Variants in PPP3CA observed in about 807,000 individuals in gnomAD.
PPP3CA encodes protein phosphatase 3 catalytic subunit alpha.
Under a neutral mutation model 66.5 loss-of-function variants are expected in PPP3CA, and 14 were observed. The observed-to-expected ratio is 0.21, with a 90% CI of 0.14 to 0.33. The LOEUF (loss-of-function observed/expected upper bound fraction) is 0.33, where lower values mean the gene tolerates loss of function less well. Ranked by LOEUF, PPP3CA falls within the 10% of genes least tolerant of loss-of-function variation. The pLI, the probability that PPP3CA is intolerant of heterozygous loss-of-function variation, is 1.00. For synonymous variants in PPP3CA, 232 were observed against 226.2 expected, an observed-to-expected ratio of 1.03 and a Z score of -0.23; for missense variants, 317 against 639.5, an observed-to-expected ratio of 0.50 and a Z score of 5.44.
At position 101,106,463 on chromosome 4, in the gene PPP3CA, A is replaced by AGAAAGAAAGAAG. The variant is rs1560605247; in HGVS notation, c.384+2490_384+2491insCTTCTTTCTTTC. Among the ~76,000 whole-genome samples the AGAAAGAAAGAAG allele has an allele frequency of 5.4e-3, 182 of 33,768 alleles. 23 individuals carry two copies. The highest frequency in any genetic ancestry group is 0.029 in the Middle Eastern group (2 of 70). 22.2% of individuals were successfully genotyped at this position (33,768 alleles called of 152,430 possible). ...AAAGAAAGAAAGAAAGAGAAAAGAA[A>AGAAAGAAAGAAG]AGAAAAGAAAAGAAAAGAAAAGAAA... On this transcript the variant is annotated intron_variant, in intron 3 of 13. Coordinates refer to ENST00000394854, the MANE Select transcript of PPP3CA (RefSeq NM_000944.5).
chr4:101,188,353 TA>T (rs1337401746), intron 2 of PPP3CA, among the ~76,000 whole-genome samples: 2 of 152,106 alleles, frequency 1.3e-5, no homozygotes, highest in Non-Finnish European at 2.9e-5. Flanking sequence ...AGGCTTCCCT[TA>T]TTTCTATCTA....
At chr4:101,123,992 C>T (rs1038534277) in intron 2 of PPP3CA, among the ~76,000 whole-genome samples, 1 of 152,182 alleles carries the variant, frequency 6.6e-6, no homozygotes, top group Non-Finnish European at 1.5e-5. Context: ...AAGGTAAGCT[C>T]CCTATTCCTA....
chr4:101,171,628 A>T (rs561470446), intron 2 of PPP3CA, among the ~76,000 whole-genome samples: 1 of 152,304 alleles, frequency 6.6e-6, no homozygotes, highest in African/African-American at 2.4e-5. Flanking sequence ...CCCAGTAGGC[A>T]TAAGGCTGGA....
intron 2 of PPP3CA, among the ~76,000 whole-genome samples, chr4:101,195,616 T>C (rs1382394818): frequency 6.6e-6 from 1 of 152,218 alleles, no homozygotes; most frequent in African/African-American, 2.4e-5. Context: ...GAATATCCTG[T>C]GTGCCACTTA....
intron 2 of PPP3CA, among the ~76,000 whole-genome samples, chr4:101,195,342 G>A (rs571115092): frequency 1.3e-5 from 2 of 151,808 alleles, no homozygotes; most frequent in Non-Finnish European, 2.9e-5. Context: ...TCCTTCTTCC[G>A]AAAGTTCAGT....
At chr4:101,133,047 C>T (rs1722500153) in intron 2 of PPP3CA, among the ~76,000 whole-genome samples, 1 of 101,024 alleles carries the variant, frequency 9.9e-6, no homozygotes, top group African/African-American at 6.4e-5. Flanking sequence ...TAAAATTCAA[C>T]ACTCCTTCAT....
At chr4:101,285,669 C>G (rs759059475) in intron 1 of PPP3CA, among the ~76,000 whole-genome samples, 1 of 134,736 alleles carries the variant, frequency 7.4e-6, no homozygotes, top group Non-Finnish European at 1.6e-5. Flanking sequence ...TAATACATAT[C>G]GATGTTGGCT....
chr4:101,061,951 T>C (rs1728481635), intron 9 of PPP3CA, among the ~76,000 whole-genome samples: 1 of 152,026 alleles, frequency 6.6e-6, no homozygotes, highest in African/African-American at 2.4e-5. Flanking sequence ...ATATGCTATT[T>C]AAAAAAATGT....
chr4:101,091,970 G>A (rs1030208216), intron 6 of PPP3CA, among the ~76,000 whole-genome samples: 2 of 151,550 alleles, frequency 1.3e-5, no homozygotes, highest in Non-Finnish European at 2.9e-5. Flanking sequence ...TTTCACTCTC[G>A]CAATTTTCAC....
intron 2 of PPP3CA, 37 bp from the exon 3 acceptor site, chr4:101,109,115 G>A (rs1379613121): frequency 1.3e-6 from 2 of 1,575,648 alleles, no homozygotes; most frequent in Admixed American, 1.8e-5. Context: ...GTCATATTAT[G>A]TTAGGACTTT....
intron 1 of PPP3CA, among the ~76,000 whole-genome samples, chr4:101,280,805 GC>G (rs1207219120): frequency 7.6e-6 from 1 of 132,066 alleles, no homozygotes; most frequent in Non-Finnish European, 1.5e-5. Context: ...GGGTGACAGA[GC>G]CAGACTCAGT....
intron 8 of PPP3CA, among the ~76,000 whole-genome samples, chr4:101,064,834 T>A (rs970750198): frequency 3.3e-5 from 5 of 152,058 alleles, no homozygotes; most frequent in African/African-American, 1.2e-4. Context: ...TATATCATTT[T>A]CTGTGGTGTG....
chr4:101,347,237 G>C lies in PPP3CA; in HGVS notation c.-441C>G. 4.8e-6 allele frequency: 1 copy of C among 209,876 alleles called. No homozygotes were observed. Among genetic ancestry groups the C allele is most frequent in the Non-Finnish European group, 9.5e-6 (1 of 105,588 alleles). The allele number at this position is 209,876 out of a possible 1,614,324, so 13.0% of individuals were successfully genotyped here. ...TAAGACCGATCACATGGGGAAGGCCGGGGGCGAGGGAGGAGAGGCAGGGCC... is the reference window on the plus strand; with the variant it reads ...TAAGACCGATCACATGGGGAAGGCCCGGGGCGAGGGAGGAGAGGCAGGGCC... On this transcript the variant is annotated 5_prime_UTR_variant, in exon 1 of 14. Coordinates refer to ENST00000394854, the MANE Select transcript of PPP3CA (RefSeq NM_000944.5).
intron 1 of PPP3CA, chr4:101,330,162 G>A (rs1729335382): frequency 2.7e-6 from 1 of 370,028 alleles, no homozygotes; most frequent in South Asian, 2.1e-5. Flanking sequence ...ATTAACAAGA[G>A]TTTGAAATAA....
intron 5 of PPP3CA, among the ~76,000 whole-genome samples, chr4:101,095,247 T>C (rs1730143330): frequency 6.6e-6 from 1 of 152,112 alleles, no homozygotes; most frequent in Admixed American, 6.6e-5. Flanking sequence ...CAGAACTTCT[T>C]TCTGAAAAAC....
Position 101,083,245 on chromosome 4 carries a change from T to C in PPP3CA, c.801A>G (p.Glu267=). Residue 267 remains glutamate (E), a synonymous_variant, in exon 7 of 14, where the codon GAA becomes GAG. Transcript: ENST00000394854. ...ATAACAAGTTATTGTGCTGTAAGAA[T>C]TCACATACAGCCGGGTAACTGCCAG... ...SYFYSYPAVC[E]FLQHNNLLSI... is the part of the protein sequence containing the mutation. The C allele has an allele frequency of 1.2e-6, 2 of 1,609,578 alleles. No homozygotes were observed. Among genetic ancestry groups the C allele is most frequent in the Non-Finnish European group, 1.7e-6 (2 of 1,177,462 alleles).
intron 2 of PPP3CA, among the ~76,000 whole-genome samples, chr4:101,191,745 G>A (rs1044264653): frequency 3.9e-5 from 6 of 152,252 alleles, no homozygotes; most frequent in South Asian, 2.1e-4. Context: ...CCTAATTGAC[G>A]TCAGCTGCTG....
At chr4:101,095,501 A>G (rs895430951) in intron 5 of PPP3CA, among the ~76,000 whole-genome samples, 2 of 152,230 alleles carry the variant, frequency 1.3e-5, no homozygotes, top group African/African-American at 4.8e-5. Flanking sequence ...TATGTATGAA[A>G]ATTGAATATA....
intron 2 of PPP3CA, among the ~76,000 whole-genome samples, chr4:101,139,697 T>G (rs13125587): frequency 1.4e-4 from 6 of 44,434 alleles, no homozygotes; most frequent in South Asian, 1.1e-3. Flanking sequence ...TTTTTTTGTG[T>G]TTTTTTTTTT....
Sources: allele counts gnomAD v4.1 joint callset (sites outside exome capture counted in the v4.1 genomes callset), GRCh38; gene constraint gnomAD v4.1.1; transcripts MANE v1.5; gene names NCBI Gene and HGNC (gene_info 2026-07-23, HGNC 2026-07-21).